The following SEPTIN6 variants were observed in gnomAD, a reference collection of about 807,000 sequenced individuals.
SEPTIN6 encodes septin 6.
A neutral mutation model predicts 33.6 loss-of-function variants in SEPTIN6; 8 were observed. The observed-to-expected ratio is 0.24, with a 90% CI of 0.14 to 0.43. The LOEUF is 0.43. Ranked by LOEUF, SEPTIN6 falls within the 20% of genes least tolerant of loss-of-function variation. The pLI, the probability that SEPTIN6 is intolerant of heterozygous loss-of-function variation, is 1.00. For synonymous variants in SEPTIN6, 131 were observed against 140.0 expected, an observed-to-expected ratio of 0.94 and a Z score of 0.45; for missense variants, 250 against 340.8, an observed-to-expected ratio of 0.73 and a Z score of 2.10.
chrX:119,679,925 A>G (rs2054920196), intron 1 of SEPTIN6, among the ~76,000 whole-genome samples: 1 of 111,649 alleles, frequency 9.0e-6, no homozygotes, highest in Admixed American at 9.6e-5. Flanking sequence ...GATTGGGCAG[A>G]GAGAACAATC....
intron 8 of SEPTIN6, 54 bp downstream of exon 8, chrX:119,633,306 T>C: frequency 6.3e-6 from 7 of 1,117,451 alleles, no homozygotes; most frequent in Non-Finnish European, 8.5e-6. Context: ...TTCCACAGTC[T>C]CACCAGCAGC....
At position 119,618,130 on chromosome X, in the gene SEPTIN6, C is replaced by G; in HGVS notation, c.*1963G>C. 1.3e-6 allele frequency: 1 copy of G among 792,388 alleles called. No individual in the cohort carries two copies. The highest frequency in any genetic ancestry group is 6.7e-5 in the South Asian group (1 of 14,835). 65.3% of individuals were successfully genotyped at this position (792,388 alleles called of 1,213,427 possible). A position where few individuals can be genotyped will look rare whatever the true frequency, so the allele number is the denominator to read the frequency against. ...AGGAGACCTGACAGGCCTAACTCAG[C>G]ATCTCTCTGAGCTACTGGCTGAGTA... On this transcript the variant is annotated 3_prime_UTR_variant, in exon 11 of 11. Coordinates refer to ENST00000394610, the MANE Select transcript of SEPTIN6 (RefSeq NM_145799.4).
chrX:119,630,892 GA>G (rs112337408), intron 8 of SEPTIN6, among the ~76,000 whole-genome samples: 161 of 97,751 alleles, frequency 1.6e-3, no homozygotes, highest in East Asian at 8.7e-3. Context: ...CTCTGTCTCG[GA>G]AAAAAAAAAA....
In SEPTIN6 at chrX:119,663,462, C is replaced by T; in HGVS notation, c.341+20G>A. ...CTCTACCAACCTCCCCACCCTACCCCACCCCACCGCCTTCTTTACCTGTCC... is the reference window on the plus strand; with the variant it reads ...CTCTACCAACCTCCCCACCCTACCCTACCCCACCGCCTTCTTTACCTGTCC... On this transcript the variant is annotated intron_variant, in intron 3 of 10. Transcript: ENST00000394610. 8.9e-6 allele frequency: 9 copies of T among 1,007,865 alleles called. No homozygotes were observed. The highest frequency in any genetic ancestry group is 1.9e-5 in the African/African-American group (1 of 53,239). 83.1% of individuals were successfully genotyped at this position (1,007,865 alleles called of 1,213,427 possible). A position where few individuals can be genotyped will look rare whatever the true frequency, so the allele number is the denominator to read the frequency against.
chrX:119,650,114 G>A lies in SEPTIN6; in HGVS notation c.529-16C>T. On this transcript the variant is annotated splice_polypyrimidine_tract_variant and intron_variant, in intron 4 of 10. Coordinates refer to ENST00000394610, the MANE Select transcript of SEPTIN6 (RefSeq NM_145799.4). ...TGATGTTCACCTAGGGAGAGGAGGG[G>A]CAAAGTGGGGTCATTGTTGGTAACC... 8.3e-7 allele frequency: 1 copy of A among 1,206,177 alleles called. No homozygotes were observed. Among genetic ancestry groups the A allele is most frequent in the Non-Finnish European group, 1.1e-6 (1 of 891,522 alleles).
At chrX:119,626,712 A>C (rs2053861869) in intron 9 of SEPTIN6, among the ~76,000 whole-genome samples, 1 of 110,048 alleles carries the variant, frequency 9.1e-6, no homozygotes, top group Admixed American at 9.7e-5. Context: ...TTTTTTAGAC[A>C]AAGTCTCACT....
intron 2 of SEPTIN6, among the ~76,000 whole-genome samples, chrX:119,670,926 G>GA (rs1206903279): frequency 1.1e-5 from 1 of 93,250 alleles, no homozygotes; most frequent in African/African-American, 3.9e-5. Context: ...TGACAAGAGC[G>GA]AAACTCCATC....
At chrX:119,623,994 C>T (rs774799668) in intron 10 of SEPTIN6, 47 of 282,299 alleles carry the variant, frequency 1.7e-4, no homozygotes, top group Admixed American at 1.0e-3. Flanking sequence ...ACTTTATAAA[C>T]TTCTATTAAC....
At chrX:119,637,542 CATCCATCCATCCATCT>C (rs1264335545) in intron 6 of SEPTIN6, among the ~76,000 whole-genome samples, 16 of 108,873 alleles carry the variant, frequency 1.5e-4, no homozygotes, top group African/African-American at 4.8e-4. Flanking sequence ...TCCATCCACT[CATCCATCCATCCATCT>C]ATCCATCCAT....
intron 5 of SEPTIN6, among the ~76,000 whole-genome samples, chrX:119,644,937 C>T (rs1207795800): frequency 9.5e-5 from 10 of 105,509 alleles, no homozygotes; most frequent in Non-Finnish European, 1.9e-4. Context: ...ATGAGAGTTT[C>T]GCTCTTGTTG....
chrX:119,644,408 CAA>C (rs61111445), intron 5 of SEPTIN6, among the ~76,000 whole-genome samples: 7 of 104,713 alleles, frequency 6.7e-5, no homozygotes, highest in African/African-American at 2.4e-4. Context: ...GAAATTTATT[CAA>C]AAAAAAAAAA....
chrX:119,618,300 T>C lies in SEPTIN6; in HGVS notation c.*1793A>G, dbSNP rs2053697743. The stretch of plus-strand genomic sequence containing the variant: ...TTGGCAGCATCACCTTCATACTTGC[T>C]CTGGTCACTCACCAATCAATAGAGC... On this transcript the variant is annotated 3_prime_UTR_variant, in exon 11 of 11. Transcript: ENST00000394610. 6 of 811,400 alleles carry C rather than the reference T, an allele frequency of 7.4e-6. No homozygotes were observed. Among genetic ancestry groups the C allele is most frequent in the Non-Finnish European group, 8.9e-6 (6 of 674,894 alleles). The allele number at this position is 811,400 out of a possible 1,213,427, so 66.9% of individuals were successfully genotyped here.
chrX:119,663,748 T>C, intron 2 of SEPTIN6, 71 bp from the exon 3 acceptor site: 1 of 849,611 alleles, frequency 1.2e-6, no homozygotes. Flanking sequence ...TCATGTTTCA[T>C]ATACACATTT....
chrX:119,641,214 C>G (rs1219718160), intron 5 of SEPTIN6, among the ~76,000 whole-genome samples: 1 of 111,423 alleles, frequency 9.0e-6, no homozygotes, highest in Non-Finnish European at 1.9e-5. Flanking sequence ...CCTTCTCCCT[C>G]CCTGGCATGC....
At chrX:119,628,415 A>C (rs1274270211) in intron 9 of SEPTIN6, among the ~76,000 whole-genome samples, 2 of 108,697 alleles carry the variant, frequency 1.8e-5, no homozygotes, top group African/African-American at 6.8e-5. Context: ...AGTAGCTGGG[A>C]TTATAAGCGC....
intron 1 of SEPTIN6, among the ~76,000 whole-genome samples, chrX:119,677,656 A>G (rs1020550168): frequency 1.8e-5 from 2 of 112,167 alleles, no homozygotes; most frequent in African/African-American, 6.5e-5. Flanking sequence ...ACATTTTCAC[A>G]CTGAAAGGGG....
intron 3 of SEPTIN6, among the ~76,000 whole-genome samples, chrX:119,654,940 C>T (rs753367711): frequency 1.8e-5 from 2 of 111,485 alleles, no homozygotes; most frequent in African/African-American, 3.3e-5. Context: ...GGGAATGTAT[C>T]CCCTAGGCTT....
In SEPTIN6 at chrX:119,663,655, G is replaced by A; in HGVS notation, c.168C>T (p.Ser56=). ...LCVGETGLGK[S]TLMDTLFNTK... is the part of the protein sequence containing the mutation. ...TGTTGAACAGGGTGTCCATGAGGGT[G>A]GACTTGCCCAAACCTGTCTCTCCTG... is the stretch of plus-strand genomic sequence containing the variant. Residue 56 remains serine, a synonymous_variant, in exon 3 of 11, where the codon TCC becomes TCT. Coordinates refer to ENST00000394610, the MANE Select transcript of SEPTIN6 (RefSeq NM_145799.4). 1 of 1,207,480 alleles carries A rather than the reference G, an allele frequency of 8.3e-7. No individual in the cohort carries two copies. The highest frequency in any genetic ancestry group is 3.0e-5 in the East Asian group (1 of 33,736).
rs187294799 is a variant in SEPTIN6, at chrX:119,663,343, A to G, written c.341+139T>C. ...CAGACAGGGCCTATGCTTGGGAGGT[A>G]CCTGCTGCTGCCCACACCATTCTGG... On this transcript the variant is annotated intron_variant, in intron 3 of 10. Transcript: ENST00000394610. 360 of 488,540 alleles carry G rather than the reference A, an allele frequency of 7.4e-4. 2 individuals carry two copies. In the African/African-American group the frequency reaches 7.8e-3, roughly 11 times the overall value. The allele number at this position is 488,540 out of a possible 1,213,427, so 40.3% of individuals were successfully genotyped here.
Sources: gnomAD v4.1 joint callset for allele counts (sites outside exome capture counted in the v4.1 genomes callset) on GRCh38, gnomAD v4.1.1 for gene constraint, MANE v1.5 for transcripts, NCBI Gene and HGNC (gene_info 2026-07-23, HGNC 2026-07-21) for gene names.